The following NBAS variants were observed in gnomAD, a reference collection of about 807,000 sequenced individuals.
The protein encoded by NBAS is NBAS subunit of NRZ tethering complex, also known as NAG/BC035112 fusion.
NBAS carries 219 observed loss-of-function variants against 302.5 expected under a neutral mutation model. The observed-to-expected ratio is 0.72, with a 90% CI of 0.65 to 0.81. The LOEUF (loss-of-function observed/expected upper bound fraction) is 0.81, where lower values mean the gene tolerates loss of function less well. NBAS is among the 30% of genes least tolerant of loss of function. The probability of loss-of-function intolerance (pLI) is 0.00; values close to 1 mark genes in which losing one functional copy is unlikely to be tolerated. For synonymous variants in NBAS, 1,118 were observed against 1,021.6 expected (o/e 1.09, Z -1.80); for missense variants, 2,932 against 2,841.6 (o/e 1.03, Z -0.72).
At chr2:15,392,381 C>G (rs888266622) in intron 28 of NBAS, among the ~76,000 whole-genome samples, 1 of 151,626 alleles carries the variant, frequency 6.6e-6, no homozygotes, top group African/African-American at 2.4e-5. Context: ...CCCATGAAGT[C>G]TGCAAAGAAA....
chr2:15,525,221 G>A (rs1053073877), intron 9 of NBAS, among the ~76,000 whole-genome samples: 6 of 152,130 alleles, frequency 3.9e-5, no homozygotes, highest in Non-Finnish European at 5.9e-5. Context: ...GCTGTTGCCT[G>A]CCAGGTATCC....
At chr2:15,462,837 A>C (rs892845813) in intron 19 of NBAS, among the ~76,000 whole-genome samples, 3 of 152,168 alleles carry the variant, frequency 2.0e-5, no homozygotes, top group African/African-American at 7.2e-5. Flanking sequence ...AGTTTGAAAG[A>C]GCCTTGAGGA....
rs1672133195 is a variant in NBAS, at chr2:15,327,655, T to C, written c.4582+95A>G. 3 of 1,459,654 alleles carry C rather than the reference T, an allele frequency of 2.1e-6. No individual in the cohort carries two copies. In the South Asian group the frequency reaches 3.6e-5, roughly 17 times the overall value. The allele number at this position is 1,459,654 out of a possible 1,614,324, so 90.4% of individuals were successfully genotyped here. On this transcript the variant is annotated intron_variant, in intron 38 of 51. Transcript: ENST00000281513. ...TATGCAATTCAAAATTACTGAAAAA[T>C]TTCTTTTCCAAACTCTTGTTCATTC... is the stretch of plus-strand genomic sequence containing the variant.
the NBAS span, among the ~76,000 whole-genome samples, chr2:15,016,820 T>A: frequency 6.6e-6 from 1 of 152,048 alleles, no homozygotes; most frequent in Non-Finnish European, 1.5e-5. Context: ...AATCAATCCG[T>A]GTATATACAG....
chr2:15,138,614 C>T, the NBAS span, among the ~76,000 whole-genome samples: 1 of 152,078 alleles, frequency 6.6e-6, no homozygotes, highest in Non-Finnish European at 1.5e-5. Flanking sequence ...GACCACTCTC[C>T]TTGTTCTCCT....
In NBAS at chr2:15,374,672, C is replaced by A; in HGVS notation, c.3639G>T (p.Glu1213Asp). The A allele has an allele frequency of 6.2e-7, 1 of 1,613,962 alleles. No homozygotes were observed. Among genetic ancestry groups the A allele is most frequent in the Non-Finnish European group, 8.5e-7 (1 of 1,179,866 alleles). Residue 1213 changes from glutamate to aspartate, a missense_variant, in exon 31 of 52, where the codon GAG becomes GAT. Coordinates refer to ENST00000281513, the MANE Select transcript of NBAS (RefSeq NM_015909.4). The part of the protein sequence containing the change: ...ITDRPPAIQE[E>D]LDLIQAVGCL... The stretch of plus-strand genomic sequence containing the variant: ...ATCCAACGGCTTGGATAAGATCTAG[C>A]TCCTCTTGAATGGCAGGGGGTCTGT...
chr2:15,257,679 C>T (rs1325181868), intron 44 of NBAS, among the ~76,000 whole-genome samples: 1 of 152,182 alleles, frequency 6.6e-6, no homozygotes, highest in African/African-American at 2.4e-5. Context: ...AGGCCCAATG[C>T]TGTGCTTTCA....
At chr2:15,411,805 T>C (rs145473724) in intron 25 of NBAS, among the ~76,000 whole-genome samples, 211 of 152,302 alleles carry the variant, frequency 1.4e-3, no homozygotes, top group African/African-American at 4.8e-3. Context: ...ATATCTGGAT[T>C]GAGCATAGAA....
At chr2:15,151,370 C>T in the NBAS span, among the ~76,000 whole-genome samples, 1 of 152,224 alleles carries the variant, frequency 6.6e-6, no homozygotes, top group Admixed American at 6.5e-5. Flanking sequence ...ACAAACCCAT[C>T]TAAATGGGCA....
intron 50 of NBAS, among the ~76,000 whole-genome samples, chr2:15,181,628 A>T (rs922590027): frequency 3.3e-5 from 5 of 152,232 alleles, no homozygotes; most frequent in Non-Finnish European, 7.3e-5. Flanking sequence ...AACGAACAAG[A>T]GATGCCTTGG....
intron 6 of NBAS, among the ~76,000 whole-genome samples, chr2:15,541,085 T>C (rs1663793416): frequency 6.6e-6 from 1 of 152,186 alleles, no homozygotes. Context: ...ATCTTACTCA[T>C]CCTTCCAGGT....
At chr2:15,128,731 A>C in the NBAS span, among the ~76,000 whole-genome samples, 1 of 152,132 alleles carries the variant, frequency 6.6e-6, no homozygotes, top group African/African-American at 2.4e-5. Context: ...TGGAAAAGTC[A>C]CTGGGGACAC....
intron 32 of NBAS, among the ~76,000 whole-genome samples, chr2:15,357,492 G>C (rs1485410019): frequency 1.3e-5 from 2 of 152,090 alleles, no homozygotes; most frequent in Non-Finnish European, 2.9e-5. Flanking sequence ...CATTGCAGTA[G>C]TCCCTGTACC....
downstream of NBAS, chr2:15,166,831 G>A: frequency 2.0e-6 from 1 of 508,280 alleles, no homozygotes. Context: ...GGGTGGGAAG[G>A]AAGAGTCTCT....
At chr2:15,011,977 C>G in the NBAS span, among the ~76,000 whole-genome samples, 3 of 152,108 alleles carry the variant, frequency 2.0e-5, no homozygotes, top group African/African-American at 4.8e-5. Flanking sequence ...CCATCAGATT[C>G]ATAGAAGTCA....
the NBAS span, among the ~76,000 whole-genome samples, chr2:14,913,172 C>T: frequency 6.6e-6 from 1 of 152,148 alleles, no homozygotes; most frequent in South Asian, 2.1e-4. Context: ...GTGTCAGGGG[C>T]TGCAATCCGC....
the NBAS span, among the ~76,000 whole-genome samples, chr2:14,779,285 T>A: frequency 6.6e-6 from 1 of 152,242 alleles, no homozygotes; most frequent in Non-Finnish European, 1.5e-5. Context: ...ACTAACACAG[T>A]GACCTCCTAA....
chr2:14,962,716 G>C, the NBAS span, among the ~76,000 whole-genome samples: 1 of 152,078 alleles, frequency 6.6e-6, no homozygotes, highest in Non-Finnish European at 1.5e-5. Flanking sequence ...GAAAATTGAC[G>C]TATAAGGTCA....
Position 15,496,261 on chromosome 2 carries a change from T to C in NBAS, c.955-7239A>G, listed in dbSNP as rs148361394. Among the ~76,000 whole-genome samples, 10 of 152,270 alleles carry C rather than the reference T, an allele frequency of 6.6e-5. No homozygotes were observed. In the East Asian group the frequency reaches 1.9e-3, roughly 29 times the overall value. On this transcript the variant is annotated intron_variant, in intron 11 of 51. Transcript: ENST00000281513. ...CACATATTTTATAATTCTATTCATA[T>C]AGAATGTCCAGAATAGGCAAATTTA...
Sources: gnomAD v4.1 joint callset for allele counts (sites outside exome capture counted in the v4.1 genomes callset) on GRCh38, gnomAD v4.1.1 for gene constraint, MANE v1.5 for transcripts, NCBI Gene and HGNC (gene_info 2026-07-23, HGNC 2026-07-21) for gene names.